The following TASOR variants were observed in gnomAD, a reference collection of about 807,000 sequenced individuals.
TASOR encodes protein TASOR.
In TASOR, 53 loss-of-function variants were observed where a neutral mutation model predicts 178.6. That is an observed-to-expected ratio of 0.30 (90% CI 0.24 to 0.37). TASOR has a LOEUF of 0.37. TASOR is among the 10% of genes least tolerant of loss of function. TASOR has a pLI of 1.00. For synonymous variants in TASOR, 713 were observed against 696.2 expected, an observed-to-expected ratio of 1.02 and a Z score of -0.38; for missense variants, 1,815 against 1,971.4, an observed-to-expected ratio of 0.92 and a Z score of 1.50.
chr3:56,620,487 A>G lies in TASOR; in HGVS notation c.*2550T>C, dbSNP rs1559794724. The stretch of plus-strand genomic sequence containing the variant: ...TGGCTGTAGTTAGTTTTGATTCACT[A>G]TATACTCTCTGTACTTGAGGAAGAG... On this transcript the variant is annotated 3_prime_UTR_variant, in exon 24 of 24. Transcript: ENST00000683822. The G allele has an allele frequency of 6.6e-6, 1 of 152,294 alleles. No homozygotes were observed. The highest frequency in any genetic ancestry group is 6.5e-5 in the Admixed American group (1 of 15,298). 9.4% of individuals were successfully genotyped at this position (152,294 alleles called of 1,614,324 possible).
chr3:56,636,605 G>A (rs1261935796), intron 17 of TASOR, among the ~76,000 whole-genome samples: 2 of 151,818 alleles, frequency 1.3e-5, no homozygotes, highest in Non-Finnish European at 2.9e-5. Context: ...GTTTTACCAT[G>A]TTGGCCAGGA....
chr3:56,628,375 T>C (rs2076840942), intron 19 of TASOR, 117 bp downstream of exon 19: 1 of 914,956 alleles, frequency 1.1e-6, no homozygotes, highest in South Asian at 1.6e-5. Context: ...CACAGATGGG[T>C]CCTTAAGTTT....
rs767209973 is a variant in TASOR at position 56,645,362 on chromosome 3, T to C, written c.2215+1160A>G. On this transcript the variant is annotated intron_variant, in intron 14 of 23. Coordinates refer to ENST00000683822, the MANE Select transcript of TASOR (RefSeq NM_001365635.2). Reference sequence around the variant, plus strand: ...TAAGAGCAAAAGTGTAAAAAGACACTGATCTGACTAACCTAGACTAAGACA... The same window carrying C: ...TAAGAGCAAAAGTGTAAAAAGACACCGATCTGACTAACCTAGACTAAGACA... Among the ~76,000 whole-genome samples the C allele has an allele frequency of 4.5e-4, 69 of 152,300 alleles. No homozygotes were observed. In the Middle Eastern group the frequency reaches 0.01, roughly 23 times the overall value.
In TASOR at chr3:56,660,848, A is replaced by G; in HGVS notation, c.1265-14T>C. ...CATTCTTCAAAACTGACATAAGAAA[A>G]ATACATAGTAAATATCCAAATCAAG... On this transcript the variant is annotated splice_polypyrimidine_tract_variant and intron_variant, in intron 10 of 23. Transcript: ENST00000683822. 1 of 1,611,484 alleles carries G rather than the reference A, an allele frequency of 6.2e-7. No individual in the cohort carries two copies.
In TASOR at chr3:56,682,779, G is replaced by A. The variant is rs1003346580; in HGVS notation, c.228C>T (p.Asp76=). 38 of 1,550,356 alleles carry A rather than the reference G, an allele frequency of 2.5e-5. No homozygotes were observed. Among genetic ancestry groups the A allele is most frequent in the Non-Finnish European group, 3.1e-5 (35 of 1,146,320 alleles). ...GGGCGGCCGCGCCCGCCTCAGAGGA[G>A]TCCTGAGGCTGCTCGTGGCTGAGGC... ...AQSLSHEQPQ[D]SSEAGAAALP... Residue 76 remains aspartate (D), a synonymous_variant, in exon 1 of 24, where the codon GAC becomes GAT. Transcript: ENST00000683822.
chr3:56,677,985 T>A (rs974569379), intron 1 of TASOR, among the ~76,000 whole-genome samples: 1 of 152,128 alleles, frequency 6.6e-6, no homozygotes, highest in Non-Finnish European at 1.5e-5. Context: ...ACACAAGGTT[T>A]CCCTACTTAC....
intron 1 of TASOR, among the ~76,000 whole-genome samples, chr3:56,674,436 G>A (rs1266378364): frequency 6.6e-6 from 1 of 152,092 alleles, no homozygotes; most frequent in African/African-American, 2.4e-5. Flanking sequence ...TTTGAGCCCA[G>A]GAGTTCAAGG....
intron 11 of TASOR, among the ~76,000 whole-genome samples, chr3:56,659,636 G>A (rs566843418): frequency 1.3e-5 from 2 of 152,072 alleles, no homozygotes; most frequent in Admixed American, 6.5e-5. Flanking sequence ...ATTTATTCTC[G>A]AGTAACTAAC....
intron 14 of TASOR, among the ~76,000 whole-genome samples, chr3:56,643,523 G>A (rs2077170857): frequency 6.6e-6 from 1 of 152,134 alleles, no homozygotes; most frequent in Admixed American, 6.5e-5. Flanking sequence ...AGCACTTTGG[G>A]AGGCCGAGGC....
In TASOR at chr3:56,673,644, G is replaced by T; in HGVS notation, c.413C>A (p.Thr138Asn). 1 of 1,551,206 alleles carries T rather than the reference G, an allele frequency of 6.4e-7. No individual in the cohort carries two copies. The highest frequency in any genetic ancestry group is 8.7e-7 in the Non-Finnish European group (1 of 1,146,788). ...TCTGTAGTTAAAATTTGTTACTGAG[G>T]TTGGTTCAAGGTAAGAAGAATGGAG... ...NILHSSYLEPTSVTNFNYRRA... is the reference protein window; with the variant it reads ...NILHSSYLEPNSVTNFNYRRA... The change falls in exon 2 of 24, where the codon ACC becomes AAC. Residue 138 changes from threonine (T) to asparagine (N), a missense_variant. Physicochemically the swap from Thr to Asn is moderately conservative, Grantham distance 65. Transcript: ENST00000683822.
rs756191955 is a variant in TASOR at position 56,633,241 on chromosome 3, G to A, written c.3550C>T (p.Arg1184Trp). ...SDHIVPGDMA[R>W]EPVEETTKSP... ...TTTGTTGTTTCTTCTACTGGTTCCCGGGCCATATCACCAGGTACAATATGA... is the reference window on the plus strand; with the variant it reads ...TTTGTTGTTTCTTCTACTGGTTCCCAGGCCATATCACCAGGTACAATATGA... The change falls in exon 18 of 24, where the codon CGG becomes TGG. Residue 1184 changes from arginine to tryptophan, a missense_variant. By Grantham distance (101) the Arg-to-Trp change is moderately radical. Coordinates refer to ENST00000683822, the MANE Select transcript of TASOR (RefSeq NM_001365635.2). 3.3e-5 allele frequency: 54 copies of A among 1,613,888 alleles called. No individual in the cohort carries two copies. The highest frequency in any genetic ancestry group is 3.3e-4 in the Middle Eastern group (2 of 6,082).
rs375298433 is a variant in TASOR, at chr3:56,682,711, C to T, written c.296G>A (p.Ser99Asn). 140 of 1,486,650 alleles carry T rather than the reference C, an allele frequency of 9.4e-5. No individual in the cohort carries two copies. In the African/African-American group the frequency reaches 1.6e-3, roughly 17 times the overall value. The allele number at this position is 1,486,650 out of a possible 1,614,324, so 92.1% of individuals were successfully genotyped here. ...TCTGCTCTTCCTGGGGATCTGAAAA[C>T]TCCTCCTAACAGGCCTTTCGGGCTC... ...PEEPERPVRR[S>N]FQIPRKSREK... is the part of the protein sequence containing the mutation. The change falls in exon 1 of 24, where the codon AGT (serine) becomes AAT (asparagine). Residue 99 changes from serine to asparagine, a missense_variant. By Grantham distance (46) the Ser-to-Asn change is conservative. Transcript: ENST00000683822.
chr3:56,665,894 G>A lies in TASOR; in HGVS notation c.1022+366C>T, dbSNP rs545322365. ...GGCTGAGGCAGAATGGCGTGAACCC[G>A]GGAGGCGGAGCTTGCAGTGAGCCGA... On this transcript the variant is annotated intron_variant, in intron 7 of 23. Transcript: ENST00000683822. Among the ~76,000 whole-genome samples the A allele has an allele frequency of 1.6e-3, 250 of 152,180 alleles. 4 individuals are homozygous for A. The highest frequency in any genetic ancestry group is 3.2e-4 in the Non-Finnish European group (22 of 68,008).
chr3:56,644,329 T>C (rs767125662), intron 14 of TASOR, among the ~76,000 whole-genome samples: 26 of 144,094 alleles, frequency 1.8e-4, no homozygotes, highest in Non-Finnish European at 2.8e-4. Flanking sequence ...TGTCACAAGA[T>C]AAGACAGTAT....
chr3:56,660,846 A>C lies in TASOR; in HGVS notation c.1265-12T>G. The stretch of plus-strand genomic sequence containing the variant: ...TCCATTCTTCAAAACTGACATAAGA[A>C]AAATACATAGTAAATATCCAAATCA... On this transcript the variant is annotated splice_polypyrimidine_tract_variant and intron_variant, in intron 10 of 23. Transcript: ENST00000683822. 1 of 1,612,218 alleles carries C rather than the reference A, an allele frequency of 6.2e-7. No homozygotes were observed. The highest frequency in any genetic ancestry group is 8.5e-7 in the Non-Finnish European group (1 of 1,179,124).
rs2076685753 is a variant in TASOR at position 56,621,980 on chromosome 3, A to G, written c.*1057T>C. 1 of 155,766 alleles carries G rather than the reference A, an allele frequency of 6.4e-6. No individual in the cohort carries two copies. Among genetic ancestry groups the G allele is most frequent in the Admixed American group, 6.4e-5 (1 of 15,724 alleles). 9.6% of individuals were successfully genotyped at this position (155,766 alleles called of 1,614,324 possible). ...TAACTTAGGAACTGAAATACCACTC[A>G]TGCATTTGTTCTAAAGTGCCAAAGT... On this transcript the variant is annotated 3_prime_UTR_variant, in exon 24 of 24. Transcript: ENST00000683822.
intron 17 of TASOR, among the ~76,000 whole-genome samples, chr3:56,634,420 C>T (rs993374467): frequency 1.2e-4 from 19 of 152,182 alleles, no homozygotes; most frequent in African/African-American, 4.6e-4. Context: ...GAATACCAAA[C>T]AGAAATGCTG....
chr3:56,644,631 A>G (rs1049863829), intron 14 of TASOR, among the ~76,000 whole-genome samples: 1 of 152,200 alleles, frequency 6.6e-6, no homozygotes, highest in Non-Finnish European at 1.5e-5. Context: ...ATATAAGATG[A>G]GATTGGTAGC....
intron 2 of TASOR, 75 bp downstream of exon 2, chr3:56,673,505 C>G: frequency 5.9e-6 from 5 of 852,292 alleles, no homozygotes; most frequent in Non-Finnish European, 6.2e-6. Flanking sequence ...TTTAGTATTT[C>G]TAGAGAACAT....
Sources: allele counts gnomAD v4.1 joint callset (sites outside exome capture counted in the v4.1 genomes callset), GRCh38; gene constraint gnomAD v4.1.1; transcripts MANE v1.5; gene names NCBI Gene and HGNC (gene_info 2026-07-23, HGNC 2026-07-21).